NCOA6: variants seen among roughly 807,000 people sequenced by gnomAD.
The protein encoded by NCOA6 is nuclear receptor coactivator 6, also known as NRC RAP250.
Under a neutral mutation model 171.4 loss-of-function variants are expected in NCOA6, and 49 were observed. The ratio of observed to expected loss-of-function variants is 0.29; its 90% CI spans 0.23 to 0.36. The LOEUF (loss-of-function observed/expected upper bound fraction) is 0.36, where lower values mean the gene tolerates loss of function less well. NCOA6 is among the 10% of genes least tolerant of loss of function. The pLI, the probability that NCOA6 is intolerant of heterozygous loss-of-function variation, is 1.00. For synonymous variants in NCOA6, 910 were observed against 927.5 expected, an observed-to-expected ratio of 0.98 and a Z score of 0.34; for missense variants, 2,248 against 2,554.5, an observed-to-expected ratio of 0.88 and a Z score of 2.59.
rs567798293 is a variant in NCOA6 at position 34,752,691 on chromosome 20, G to C, written c.1675+2031C>G. Reference sequence around the variant, plus strand: ...GGCCTGTAATCCCACCACTTTAGAAGGCCAAGGTGGGTGGATCACCTGAGG... The same window carrying C: ...GGCCTGTAATCCCACCACTTTAGAACGCCAAGGTGGGTGGATCACCTGAGG... On this transcript the variant is annotated intron_variant, in intron 8 of 14. Transcript: ENST00000359003. Among the ~76,000 whole-genome samples, 45 of 152,240 alleles carry C rather than the reference G, an allele frequency of 3.0e-4. 1 individual carries two copies. The highest frequency in any genetic ancestry group is 2.9e-3 in the Admixed American group (45 of 15,296).
chr20:34,731,719 C>G (rs1484260223), intron 13 of NCOA6, among the ~76,000 whole-genome samples: 1 of 152,178 alleles, frequency 6.6e-6, no homozygotes, highest in East Asian at 1.9e-4. Context: ...AAAATATTAT[C>G]CAGTGCATTC....
chr20:34,724,765 G>A (rs916389351), intron 14 of NCOA6, among the ~76,000 whole-genome samples: 3 of 151,330 alleles, frequency 2.0e-5, no homozygotes, highest in Non-Finnish European at 2.9e-5. Context: ...ATTAGAATTC[G>A]TCTTTCAATG....
intron 2 of NCOA6, among the ~76,000 whole-genome samples, chr20:34,783,476 G>A (rs2077570765): frequency 6.6e-6 from 1 of 152,136 alleles, no homozygotes; most frequent in Non-Finnish European, 1.5e-5. Flanking sequence ...TTAGTTTGGG[G>A]ATTGAAGATC....
intron 1 of NCOA6, among the ~76,000 whole-genome samples, chr20:34,802,186 G>T (rs1326480837): frequency 6.6e-6 from 1 of 152,230 alleles, no homozygotes; most frequent in Non-Finnish European, 1.5e-5. Context: ...TCATTCATAG[G>T]CTGGGTGCGG....
In NCOA6 at chr20:34,741,210, T is replaced by C; in HGVS notation, c.5046A>G (p.Pro1682=). Residue 1682 remains proline (P), a synonymous_variant, in exon 11 of 15, where the codon CCA becomes CCG. Transcript: ENST00000359003. ...GCATCAGGCCAGAGTTGGTTGTCAG[T>C]GGGGCTGCAGGAATTGTGCTTGGCT... ...GSQPSTIPAA[P]LTTNSGLMPP... is the part of the protein sequence containing the mutation. 6.2e-7 allele frequency: 1 copy of C among 1,614,172 alleles called. No homozygotes were observed. Among genetic ancestry groups the C allele is most frequent in the Non-Finnish European group, 8.5e-7 (1 of 1,180,018 alleles).
chr20:34,775,018 T>C (rs2077263619), intron 4 of NCOA6, among the ~76,000 whole-genome samples: 1 of 152,158 alleles, frequency 6.6e-6, no homozygotes, highest in Non-Finnish European at 1.5e-5. Flanking sequence ...AAGCTGATAC[T>C]TGAAGGCTGA....
chr20:34,738,753 T>C (rs1328379966), intron 11 of NCOA6: 1 of 403,704 alleles, frequency 2.5e-6, no homozygotes, highest in Non-Finnish European at 5.1e-6. Flanking sequence ...GGAGGTAGAA[T>C]GTACGATCTC....
At position 34,742,698 on chromosome 20, in the gene NCOA6, T is replaced by C. The variant is rs1317822374; in HGVS notation, c.3558A>G (p.Val1186=). The C allele has an allele frequency of 6.2e-7, 1 of 1,614,002 alleles. No homozygotes were observed. Among genetic ancestry groups the C allele is most frequent in the Non-Finnish European group, 8.5e-7 (1 of 1,180,016 alleles). ...TQGATPQQPP[V]NSLPSSHGHH... ...GGCCGTGAGAGCTGGGCAGGGAATT[T>C]ACAGGGGGTTGCTGGGGAGTTGCAC... is the stretch of plus-strand genomic sequence containing the variant. Residue 1186 remains valine, a synonymous_variant, in exon 11 of 15, where the codon GTA becomes GTG. Coordinates refer to ENST00000359003, the MANE Select transcript of NCOA6 (RefSeq NM_014071.5).
At chr20:34,814,649 C>T (rs572933971) in intron 1 of NCOA6, among the ~76,000 whole-genome samples, 11 of 152,170 alleles carry the variant, frequency 7.2e-5, no homozygotes, top group African/African-American at 2.4e-4. Flanking sequence ...TGGAGTGCTA[C>T]GGCATGATCT....
chr20:34,823,072 T>C (rs1011502452), intron 1 of NCOA6, among the ~76,000 whole-genome samples: 2 of 152,248 alleles, frequency 1.3e-5, no homozygotes, highest in Admixed American at 6.5e-5. Context: ...GATAAACAAG[T>C]ATATGCATAT....
At chr20:34,795,304 G>C (rs1244908597) in intron 1 of NCOA6, among the ~76,000 whole-genome samples, 1 of 152,216 alleles carries the variant, frequency 6.6e-6, no homozygotes, top group African/African-American at 2.4e-5. Context: ...ATAATGGGAA[G>C]ATGTGACAGT....
rs563071076 is a variant in NCOA6, at chr20:34,716,767, A to T, written c.6149-1402T>A. On this transcript the variant is annotated intron_variant, in intron 14 of 14. Transcript: ENST00000359003. The stretch of plus-strand genomic sequence containing the variant: ...GGTGACAGAGACCCCATCTCTATTT[A>T]AAAAAAAAAAAAAAATTCTACACAA... Among the ~76,000 whole-genome samples the T allele has an allele frequency of 1.1e-3, 149 of 131,052 alleles. 1 individual carries two copies. Among genetic ancestry groups the T allele is most frequent in the African/African-American group, 4.7e-3 (138 of 29,232 alleles). The allele number at this position is 131,052 out of a possible 152,430, so 86.0% of individuals were successfully genotyped here.
At chr20:34,804,903 A>G (rs2078393972) in intron 1 of NCOA6, among the ~76,000 whole-genome samples, 1 of 152,160 alleles carries the variant, frequency 6.6e-6, no homozygotes, top group Non-Finnish European at 1.5e-5. Flanking sequence ...ATCTATAGTC[A>G]TCCTACAGTG....
At chr20:34,798,164 C>G (rs2078143297) in intron 1 of NCOA6, among the ~76,000 whole-genome samples, 1 of 152,258 alleles carries the variant, frequency 6.6e-6, no homozygotes, top group South Asian at 2.1e-4. Context: ...TGAGTGAACA[C>G]TGGCAGTAGC....
At chr20:34,724,130 G>A (rs1989689373) in intron 14 of NCOA6, among the ~76,000 whole-genome samples, 1 of 152,106 alleles carries the variant, frequency 6.6e-6, no homozygotes, top group Middle Eastern at 3.2e-3. Context: ...GCCTAGAGAT[G>A]ATTCCCAGAG....
Position 34,776,349 on chromosome 20 carries a change from G to A in NCOA6, c.335C>T (p.Ala112Val), listed in dbSNP as rs761834227. Reference protein sequence around the residue: ...REAAERLRILAQSNNQQLRDL... With the variant: ...REAAERLRILVQSNNQQLRDL... ...CCGAAGCTGCTGGTTGTTGCTCTGA[G>A]CAAGGATCCGTAGCCGCTCCGCTGC... The change falls in exon 4 of 15, where the codon GCT becomes GTT. Residue 112 changes from alanine (A) to valine (V), a missense_variant. Coordinates refer to ENST00000359003, the MANE Select transcript of NCOA6 (RefSeq NM_014071.5). The A allele has an allele frequency of 1.5e-5, 25 of 1,614,000 alleles. No individual in the cohort carries two copies. Among genetic ancestry groups the A allele is most frequent in the Non-Finnish European group, 2.1e-5 (25 of 1,180,056 alleles).
At chr20:34,801,735 C>A (rs1382795629) in intron 1 of NCOA6, among the ~76,000 whole-genome samples, 1 of 152,066 alleles carries the variant, frequency 6.6e-6, no homozygotes, top group African/African-American at 2.4e-5. Flanking sequence ...CATGGTGGCA[C>A]GTGCCTACAG....
intron 4 of NCOA6, among the ~76,000 whole-genome samples, chr20:34,770,186 C>G (rs901549770): frequency 6.6e-6 from 1 of 152,006 alleles, no homozygotes; most frequent in African/African-American, 2.4e-5. Flanking sequence ...ATTACAGGCA[C>G]GTGCCAATAC....
chr20:34,740,679 G>A lies in NCOA6; in HGVS notation c.5577C>T (p.Thr1859=), dbSNP rs1391543044. 5.6e-6 allele frequency: 9 copies of A among 1,614,042 alleles called. No homozygotes were observed. Among genetic ancestry groups the A allele is most frequent in the East Asian group, 2.2e-5 (1 of 44,896 alleles). The part of the protein sequence containing the change: ...DGETEGQGLD[T]TAPGLMGTEQ... ...CTGTTCCCATGAGCCCCGGAGCTGT[G>A]GTGTCTAGCCCTTGGCCTTCAGTCT... Residue 1859 remains threonine, a synonymous_variant, in exon 11 of 15, where the codon ACC becomes ACT. Coordinates refer to ENST00000359003, the MANE Select transcript of NCOA6 (RefSeq NM_014071.5).
Sources: allele counts gnomAD v4.1 joint callset (sites outside exome capture counted in the v4.1 genomes callset), GRCh38; gene constraint gnomAD v4.1.1; transcripts MANE v1.5; gene names NCBI Gene and HGNC (gene_info 2026-07-23, HGNC 2026-07-21).